The following SRPX variants were observed in gnomAD, a reference collection of about 807,000 sequenced individuals.
SRPX encodes sushi repeat-containing protein SRPX.
Under a neutral mutation model 38.1 loss-of-function variants are expected in SRPX, and 24 were observed. That is an observed-to-expected ratio of 0.63 (90% CI 0.46 to 0.89). The LOEUF is 0.89. Among genes scored for constraint, SRPX ranks in the 40% least tolerant of loss-of-function variants. The pLI, the probability that SRPX is intolerant of heterozygous loss-of-function variation, is 0.00. For missense variants in SRPX, 416 were observed against 377.8 expected (o/e 1.10, Z -0.84); for synonymous variants, 184 against 153.8 (o/e 1.20, Z -1.45).
chrX:38,159,205 A>T (rs1304700779), intron 7 of SRPX, among the ~76,000 whole-genome samples: 1 of 111,881 alleles, frequency 8.9e-6, no homozygotes, highest in Non-Finnish European at 1.9e-5. Flanking sequence ...GTGGGCATGA[A>T]GTCCTTAGGT....
intron 4 of SRPX, among the ~76,000 whole-genome samples, chrX:38,165,815 G>A (rs1194555372): frequency 5.4e-5 from 6 of 112,109 alleles, no homozygotes; most frequent in Non-Finnish European, 9.4e-5. Context: ...TGGGACAGCA[G>A]TTTTACTGTG....
intron 7 of SRPX, among the ~76,000 whole-genome samples, chrX:38,159,668 C>T (rs1370238241): frequency 8.9e-6 from 1 of 112,890 alleles, no homozygotes; most frequent in Non-Finnish European, 1.9e-5. Context: ...GATATTGTCT[C>T]TACATGGCAA....
chrX:38,176,891 C>A (rs1938575900), intron 2 of SRPX, among the ~76,000 whole-genome samples: 1 of 111,858 alleles, frequency 8.9e-6, no homozygotes, highest in Non-Finnish European at 1.9e-5. Flanking sequence ...TGATTGCTAC[C>A]AGTAAGCAAT....
At chrX:38,189,514 G>T (rs1340394836) in intron 1 of SRPX, among the ~76,000 whole-genome samples, 1 of 111,818 alleles carries the variant, frequency 8.9e-6, no homozygotes, top group Non-Finnish European at 1.9e-5. Flanking sequence ...CTCAGAGAAT[G>T]AAGTGATTAT....
intron 1 of SRPX, among the ~76,000 whole-genome samples, chrX:38,210,909 A>G (rs750794626): frequency 8.9e-6 from 1 of 111,990 alleles, no homozygotes; most frequent in African/African-American, 3.2e-5. Flanking sequence ...ATGGTGTTCA[A>G]GATTCTACAT....
intron 9 of SRPX, among the ~76,000 whole-genome samples, chrX:38,153,066 A>G (rs934462214): frequency 1.8e-5 from 2 of 111,788 alleles, no homozygotes; most frequent in Non-Finnish European, 3.8e-5. Context: ...TACTCCACTT[A>G]GCGCCAACAT....
intron 9 of SRPX, among the ~76,000 whole-genome samples, 164 bp downstream of exon 9, chrX:38,154,298 A>G (rs1334237777): frequency 1.8e-5 from 2 of 112,317 alleles, no homozygotes; most frequent in Non-Finnish European, 3.8e-5. Context: ...TATTTGAACA[A>G]ACAGCAACAT....
chrX:38,203,416 C>T (rs1255918658), intron 1 of SRPX, among the ~76,000 whole-genome samples: 1 of 112,340 alleles, frequency 8.9e-6, no homozygotes, highest in African/African-American at 3.2e-5. Flanking sequence ...CAGCACTATA[C>T]AGGTAATCCT....
At chrX:38,220,048 C>T (rs373618197) in intron 1 of SRPX, among the ~76,000 whole-genome samples, 2 of 113,433 alleles carry the variant, frequency 1.8e-5, no homozygotes, top group Admixed American at 1.8e-4. Flanking sequence ...ACCCTCTGCC[C>T]AGCAGATCCT....
chrX:38,167,086 G>A lies in SRPX; in HGVS notation c.527-2191C>T, dbSNP rs185980530. 4.6e-3 allele frequency among the ~76,000 whole-genome samples: 507 copies of A among 111,399 alleles called. 4 individuals carry two copies. The highest frequency in any genetic ancestry group is 0.016 in the African/African-American group (494 of 30,693). ...TTCCTACATGCCCACCCCATGCTAA[G>A]TACCCTCCCTATATTATTTTACTGA... On this transcript the variant is annotated intron_variant, in intron 4 of 9. Coordinates refer to ENST00000378533, the MANE Select transcript of SRPX (RefSeq NM_006307.5).
intron 1 of SRPX, among the ~76,000 whole-genome samples, chrX:38,218,698 T>C (rs1046672250): frequency 6.4e-4 from 72 of 112,110 alleles, no homozygotes; most frequent in African/African-American, 2.0e-3. Context: ...GTCTCTGAAA[T>C]GATCTTTAAA....
rs182309445 is a variant in SRPX at position 38,202,728 on chromosome X, G to A, written c.97+17968C>T. 1.6e-3 allele frequency among the ~76,000 whole-genome samples: 183 copies of A among 112,291 alleles called. 1 individual carries two copies. Among genetic ancestry groups the A allele is most frequent in the Non-Finnish European group, 2.1e-3 (111 of 53,244 alleles). On this transcript the variant is annotated intron_variant, in intron 1 of 9. Coordinates refer to ENST00000378533, the MANE Select transcript of SRPX (RefSeq NM_006307.5). Reference sequence around the variant, plus strand: ...TATAACTCTACACATAACTTTGACAGCTTAGATGAAATGAACCAATTCTTC... The same window carrying A: ...TATAACTCTACACATAACTTTGACAACTTAGATGAAATGAACCAATTCTTC...
At chrX:38,202,974 A>G in intron 1 of SRPX, among the ~76,000 whole-genome samples, 1 of 112,276 alleles carries the variant, frequency 8.9e-6, no homozygotes, top group Non-Finnish European at 1.9e-5. Context: ...TTCACATCAA[A>G]ATAAAACTAC....
chrX:38,180,147 C>A (rs897730558), intron 1 of SRPX, among the ~76,000 whole-genome samples: 2 of 111,286 alleles, frequency 1.8e-5, no homozygotes, highest in South Asian at 7.7e-4. Context: ...TTTCTCCCCC[C>A]GCCCAGCCCT....
At chrX:38,158,125 G>A (rs1938167405) in intron 7 of SRPX, among the ~76,000 whole-genome samples, 2 of 112,324 alleles carry the variant, frequency 1.8e-5, no homozygotes, top group Non-Finnish European at 3.8e-5. Flanking sequence ...TAAGAGAATG[G>A]GCAGTGGCCA....
At chrX:38,150,148 T>A (rs1465001175) in intron 9 of SRPX, among the ~76,000 whole-genome samples, 5 of 112,285 alleles carry the variant, frequency 4.5e-5, no homozygotes, top group Non-Finnish European at 9.4e-5. Flanking sequence ...ACTATCAAGA[T>A]CCCCAGATGA....
chrX:38,161,252 G>T lies in SRPX; in HGVS notation c.654-198C>A, dbSNP rs150102214. On this transcript the variant is annotated intron_variant, in intron 5 of 9. Coordinates refer to ENST00000378533, the MANE Select transcript of SRPX (RefSeq NM_006307.5). ...GAAGAGCAGTTTGTGACCAGAAAAT[G>T]GAAGACCCAAACTACTGGGAAGCTT... Among the ~76,000 whole-genome samples the T allele has an allele frequency of 1.6e-3, 176 of 111,126 alleles. 2 individuals are homozygous for T. In the East Asian group the frequency reaches 0.036, roughly 23 times the overall value.
At chrX:38,182,617 T>G (rs1333604664) in intron 1 of SRPX, among the ~76,000 whole-genome samples, 1 of 111,977 alleles carries the variant, frequency 8.9e-6, no homozygotes, top group Admixed American at 9.5e-5. Context: ...TATTGGACAA[T>G]GGCAAGTAAA....
chrX:38,159,219 G>A (rs1332169416), intron 7 of SRPX, among the ~76,000 whole-genome samples: 1 of 111,830 alleles, frequency 8.9e-6, no homozygotes, highest in Non-Finnish European at 1.9e-5. Flanking sequence ...CTTAGGTAGG[G>A]AGTCTATAAT....
Sources: gnomAD v4.1 joint callset for allele counts (sites outside exome capture counted in the v4.1 genomes callset) on GRCh38, gnomAD v4.1.1 for gene constraint, MANE v1.5 for transcripts, NCBI Gene and HGNC (gene_info 2026-07-23, HGNC 2026-07-21) for gene names.